GRID2: variants seen among roughly 807,000 people sequenced by gnomAD.
GRID2 encodes the protein glutamate ionotropic receptor delta type subunit 2.
In GRID2, 33 loss-of-function variants were observed where a neutral mutation model predicts 114.8. That is an observed-to-expected ratio of 0.29 (90% CI 0.22 to 0.38). The LOEUF (loss-of-function observed/expected upper bound fraction) is 0.38. Among genes scored for constraint, GRID2 ranks in the 10% least tolerant of loss-of-function variants. The probability of loss-of-function intolerance (pLI) is 1.00; values close to 1 mark genes in which losing one functional copy is unlikely to be tolerated. For synonymous variants in GRID2, 505 were observed against 449.9 expected, an observed-to-expected ratio of 1.12 and a Z score of -1.55; for missense variants, 1,184 against 1,257.7, an observed-to-expected ratio of 0.94 and a Z score of 0.89.
intron 1 of GRID2, among the ~76,000 whole-genome samples, chr4:92,479,214 T>G (rs1262626544): frequency 6.6e-6 from 1 of 152,136 alleles, no homozygotes; most frequent in Non-Finnish European, 1.5e-5. Flanking sequence ...TACTTCAAGT[T>G]TAGTTTGTGC....
At position 93,422,799 on chromosome 4, in the gene GRID2, A is replaced by G; in HGVS notation, c.1376A>G (p.Asn459Ser). 2 of 1,613,368 alleles carry G rather than the reference A, an allele frequency of 1.2e-6. No homozygotes were observed. The highest frequency in any genetic ancestry group is 1.7e-6 in the Non-Finnish European group (2 of 1,179,346). ...LEEPFVMVSE[N>S]VLGKPKKYQG... ...GAACCTTTTGTGATGGTCTCTGAAA[A>G]TGTCTTGGGTAAGCCGAAGAAATAC... is the stretch of plus-strand genomic sequence containing the variant. The change falls in exon 10 of 16, where the codon AAT (asparagine) becomes AGT (serine). Residue 459 changes from asparagine to serine, a missense_variant. By Grantham distance (46) the Asn-to-Ser change is conservative. Coordinates refer to ENST00000282020, the MANE Select transcript of GRID2 (RefSeq NM_001510.4).
At chr4:93,360,173 G>T (rs1003389244) in intron 8 of GRID2, among the ~76,000 whole-genome samples, 4 of 151,654 alleles carry the variant, frequency 2.6e-5, no homozygotes, top group Non-Finnish European at 5.9e-5. Flanking sequence ...GGTCTTATAA[G>T]AAACTTGTTC....
intron 2 of GRID2, among the ~76,000 whole-genome samples, chr4:92,706,045 G>T (rs1284772175): frequency 6.6e-6 from 1 of 152,190 alleles, no homozygotes; most frequent in East Asian, 1.9e-4. Flanking sequence ...CTTGCAGCCT[G>T]AAGTAAAGGC....
chr4:92,863,039 A>G (rs778200551), intron 2 of GRID2, among the ~76,000 whole-genome samples: 8 of 152,144 alleles, frequency 5.3e-5, no homozygotes, highest in Admixed American at 1.3e-4. Flanking sequence ...TTAATGCTAA[A>G]TAACTTTCTA....
At chr4:93,614,137 C>A (rs967177527) in intron 13 of GRID2, among the ~76,000 whole-genome samples, 4 of 152,222 alleles carry the variant, frequency 2.6e-5, no homozygotes, top group Non-Finnish European at 4.4e-5. Context: ...CCTTGCGCTT[C>A]CCAGGTGAGG....
In GRID2 at chr4:93,547,809, G is replaced by C. The variant is rs987383947; in HGVS notation, c.2193+32398G>C. Among the ~76,000 whole-genome samples, 5 of 152,136 alleles carry C rather than the reference G, an allele frequency of 3.3e-5. No individual in the cohort carries two copies. In the East Asian group the frequency reaches 7.7e-4, roughly 23 times the overall value. On this transcript the variant is annotated intron_variant, in intron 13 of 15. Transcript: ENST00000282020. ...TCTTTTAGGCAGCTATAGTAGAACT[G>C]TCTGAAATGCCATTATAGGACCAAT...
At chr4:93,070,171 A>G (rs1238195585) in intron 2 of GRID2, among the ~76,000 whole-genome samples, 1 of 152,118 alleles carries the variant, frequency 6.6e-6, no homozygotes, top group Non-Finnish European at 1.5e-5. Flanking sequence ...AGGAGTCCAC[A>G]TGACTGAGTG....
At chr4:92,344,541 A>T (rs993993759) in intron 1 of GRID2, among the ~76,000 whole-genome samples, 4 of 152,132 alleles carry the variant, frequency 2.6e-5, no homozygotes, top group African/African-American at 9.7e-5. Context: ...GGAATCTGTG[A>T]TTTGGGCAGT....
chr4:93,309,177 T>C (rs1470963893), intron 8 of GRID2, among the ~76,000 whole-genome samples: 1 of 152,212 alleles, frequency 6.6e-6, no homozygotes, highest in Non-Finnish European at 1.5e-5. Context: ...TTAGGTTCAC[T>C]GTTGTTTCCT....
Position 92,886,929 on chromosome 4 carries a change from C to A in GRID2, c.245-198066C>A, listed in dbSNP as rs1021466544. ...CGTGAGCCACCACGACTGGCCCTTA[C>A]CTTGCTATTATTTTTTGGGGGAAAA... On this transcript the variant is annotated intron_variant, in intron 2 of 15. Transcript: ENST00000282020. 1.5e-4 allele frequency among the ~76,000 whole-genome samples: 23 copies of A among 152,142 alleles called. 1 individual carries two copies. Among genetic ancestry groups the A allele is most frequent in the Middle Eastern group, 3.4e-3 (1 of 294 alleles).
intron 2 of GRID2, among the ~76,000 whole-genome samples, chr4:92,734,483 T>C (rs911886449): frequency 2.0e-5 from 3 of 151,924 alleles, no homozygotes; most frequent in African/African-American, 7.2e-5. Context: ...AGGTTCTTGC[T>C]ATGTTGCCCA....
At chr4:93,148,081 T>C (rs1273303688) in intron 4 of GRID2, among the ~76,000 whole-genome samples, 2 of 152,112 alleles carry the variant, frequency 1.3e-5, no homozygotes, top group Non-Finnish European at 2.9e-5. Context: ...TGTGACAAAA[T>C]TGAATAATAT....
chr4:93,033,215 T>C (rs2149259930), intron 2 of GRID2, among the ~76,000 whole-genome samples: 1 of 152,228 alleles, frequency 6.6e-6, no homozygotes, highest in Non-Finnish European at 1.5e-5. Context: ...CAACTACAAA[T>C]TCAGGGTTAT....
chr4:92,733,087 CCT>C (rs138334585), intron 2 of GRID2, among the ~76,000 whole-genome samples: 9 of 150,440 alleles, frequency 6.0e-5, no homozygotes, highest in African/African-American at 9.7e-5. Flanking sequence ...TTCATGTCTT[CCT>C]CTCTCTCTCT....
intron 14 of GRID2, among the ~76,000 whole-genome samples, chr4:93,750,003 A>G (rs1167008462): frequency 6.6e-6 from 1 of 152,220 alleles, no homozygotes; most frequent in Admixed American, 6.5e-5. Flanking sequence ...AGACATGTTA[A>G]CTATCATGAC....
chr4:93,222,527 A>G (rs888949996), intron 6 of GRID2, among the ~76,000 whole-genome samples: 2 of 151,882 alleles, frequency 1.3e-5, no homozygotes, highest in African/African-American at 4.8e-5. Context: ...CAGGTTTGTT[A>G]CATACGTAAA....
chr4:93,592,408 T>C (rs1430415482), intron 13 of GRID2, among the ~76,000 whole-genome samples: 1 of 152,248 alleles, frequency 6.6e-6, no homozygotes, highest in South Asian at 2.1e-4. Flanking sequence ...TTGATTGCAC[T>C]GTGGTCTGAG....
intron 2 of GRID2, among the ~76,000 whole-genome samples, chr4:92,719,540 T>C (rs895257420): frequency 3.3e-5 from 5 of 152,116 alleles, no homozygotes; most frequent in Non-Finnish European, 5.9e-5. Flanking sequence ...AGCAACTATT[T>C]CAAAATTTCA....
At chr4:93,315,905 A>C (rs928455414) in intron 8 of GRID2, among the ~76,000 whole-genome samples, 5 of 152,162 alleles carry the variant, frequency 3.3e-5, no homozygotes, top group Admixed American at 1.3e-4. Context: ...TAACCCATTG[A>C]CATACCCACT....
Sources: gnomAD v4.1 joint callset for allele counts (sites outside exome capture counted in the v4.1 genomes callset) on GRCh38, gnomAD v4.1.1 for gene constraint, MANE v1.5 for transcripts, NCBI Gene and HGNC (gene_info 2026-07-23, HGNC 2026-07-21) for gene names.